The following EPHA5 variants were observed in gnomAD, a reference collection of about 807,000 sequenced individuals.
EPHA5 encodes the protein EPH receptor A5.
A neutral mutation model predicts 105.0 loss-of-function variants in EPHA5; 60 were observed. The observed-to-expected ratio is 0.57, with a 90% CI of 0.46 to 0.71. The LOEUF (loss-of-function observed/expected upper bound fraction) is 0.71. Ranked by LOEUF, EPHA5 falls within the 30% of genes least tolerant of loss-of-function variation. EPHA5 has a pLI of 0.00. For synonymous variants in EPHA5, 513 were observed against 449.1 expected (o/e 1.14, Z -1.80); for missense variants, 1,218 against 1,274.7 (o/e 0.96, Z 0.68).
chr4:65,503,220 C>T (rs1017407262), intron 3 of EPHA5, among the ~76,000 whole-genome samples: 3 of 151,740 alleles, frequency 2.0e-5, no homozygotes, highest in African/African-American at 7.3e-5. Flanking sequence ...CTCACCATCA[C>T]GTAATATATC....
intron 6 of EPHA5, among the ~76,000 whole-genome samples, chr4:65,414,883 C>T (rs984652577): frequency 1.2e-4 from 18 of 152,146 alleles, no homozygotes; most frequent in Non-Finnish European, 4.4e-5. Flanking sequence ...TATGCTTTAA[C>T]TCATTAGTGA....
chr4:65,525,129 A>G (rs1302088453), intron 3 of EPHA5, among the ~76,000 whole-genome samples: 2 of 151,790 alleles, frequency 1.3e-5, no homozygotes, highest in Non-Finnish European at 3.0e-5. Flanking sequence ...ATTAAAACTT[A>G]TAATTCTTCA....
chr4:65,540,097 C>A (rs933743780), intron 3 of EPHA5, among the ~76,000 whole-genome samples: 5 of 151,434 alleles, frequency 3.3e-5, no homozygotes, highest in Non-Finnish European at 7.4e-5. Flanking sequence ...TGAAATTAAT[C>A]ACACTGAAAC....
At position 65,522,745 on chromosome 4, in the gene EPHA5, C is replaced by T. The variant is rs192214761; in HGVS notation, c.911-27202G>A. Among the ~76,000 whole-genome samples the T allele has an allele frequency of 5.3e-5, 8 of 152,092 alleles. 1 individual carries two copies. The highest frequency in any genetic ancestry group is 2.6e-4 in the Admixed American group (4 of 15,242). On this transcript the variant is annotated intron_variant, in intron 3 of 16. Coordinates refer to ENST00000613740, the MANE Select transcript of EPHA5 (RefSeq NM_001281766.3). ...TCATATCACCCCATCGTCATCTACT[C>T]GGAAGGCTGGGCATTCATTTGTGAT...
At chr4:65,643,046 A>G in intron 2 of EPHA5, among the ~76,000 whole-genome samples, 1 of 152,058 alleles carries the variant, frequency 6.6e-6, no homozygotes, top group East Asian at 1.9e-4. Context: ...TTTTATCTTT[A>G]ATATAAACTA....
At chr4:65,414,202 G>A (rs2149017788) in intron 7 of EPHA5, 82 bp downstream of exon 7, 1 of 1,212,654 alleles carries the variant, frequency 8.2e-7, no homozygotes, top group Non-Finnish European at 1.2e-6. Context: ...CTGACAGAGT[G>A]CCCAGGGAGG....
At chr4:65,485,226 G>T (rs1362212538) in intron 5 of EPHA5, among the ~76,000 whole-genome samples, 2 of 151,798 alleles carry the variant, frequency 1.3e-5, no homozygotes, top group Non-Finnish European at 2.9e-5. Flanking sequence ...ATTGGCCAAA[G>T]AATTCTTTAT....
At chr4:65,625,000 G>GA (rs1746009463) in intron 2 of EPHA5, among the ~76,000 whole-genome samples, 1 of 152,090 alleles carries the variant, frequency 6.6e-6, no homozygotes, top group South Asian at 2.1e-4. Flanking sequence ...AACCACTTTA[G>GA]AAAAAATTGT....
At chr4:65,342,679 T>C (rs888803288) in intron 14 of EPHA5, among the ~76,000 whole-genome samples, 1 of 151,314 alleles carries the variant, frequency 6.6e-6, no homozygotes, top group Admixed American at 6.6e-5. Flanking sequence ...CATCAACATA[T>C]ACAATATACA....
intron 3 of EPHA5, among the ~76,000 whole-genome samples, chr4:65,600,118 T>C (rs1429497250): frequency 9.9e-5 from 15 of 152,166 alleles, no homozygotes; most frequent in Non-Finnish European, 1.5e-5. Flanking sequence ...ATATTTACAA[T>C]ATTTTAGACA....
chr4:65,431,283 G>A (rs1294175221), intron 5 of EPHA5, among the ~76,000 whole-genome samples: 1 of 151,914 alleles, frequency 6.6e-6, no homozygotes, highest in East Asian at 1.9e-4. Flanking sequence ...AACACTTTGA[G>A]GCAAATATTA....
intron 5 of EPHA5, among the ~76,000 whole-genome samples, chr4:65,465,341 G>T (rs576437203): frequency 6.6e-6 from 1 of 151,648 alleles, no homozygotes; most frequent in Non-Finnish European, 1.5e-5. Context: ...TAGGAGAATC[G>T]CTTGAACCCA....
At chr4:65,477,480 T>C (rs1397670885) in intron 5 of EPHA5, among the ~76,000 whole-genome samples, 1 of 152,060 alleles carries the variant, frequency 6.6e-6, no homozygotes, top group African/African-American at 2.4e-5. Flanking sequence ...TGGCGAGATC[T>C]AGGCTCAGTG....
At chr4:65,383,728 C>T (rs1308392424) in intron 8 of EPHA5, among the ~76,000 whole-genome samples, 1 of 151,878 alleles carries the variant, frequency 6.6e-6, no homozygotes, top group East Asian at 1.9e-4. Flanking sequence ...TATTATAAAT[C>T]AGTGACTCAG....
chr4:65,396,727 G>T (rs1721279332), intron 8 of EPHA5, among the ~76,000 whole-genome samples: 1 of 152,120 alleles, frequency 6.6e-6, no homozygotes, highest in Non-Finnish European at 1.5e-5. Flanking sequence ...GGCAAAGAGG[G>T]GCCTTGGTAA....
intron 3 of EPHA5, among the ~76,000 whole-genome samples, chr4:65,547,647 G>C (rs1737512084): frequency 6.6e-6 from 1 of 152,022 alleles, no homozygotes; most frequent in Admixed American, 6.6e-5. Flanking sequence ...AAACCAGGTT[G>C]AAACATTTAA....
intron 5 of EPHA5, among the ~76,000 whole-genome samples, chr4:65,468,602 A>C (rs1384476115): frequency 9.1e-5 from 1 of 11,020 alleles, no homozygotes; most frequent in African/African-American, 1.3e-4. Flanking sequence ...TAATATATAT[A>C]TTATATATAT....
At position 65,585,622 on chromosome 4, in the gene EPHA5, T is replaced by C. The variant is rs952542909; in HGVS notation, c.910+16019A>G. Among the ~76,000 whole-genome samples, 3 of 151,906 alleles carry C rather than the reference T, an allele frequency of 2.0e-5. No homozygotes were observed. The South Asian group carries it at 6.2e-4, about 32-fold the overall frequency. On this transcript the variant is annotated intron_variant, in intron 3 of 16. Coordinates refer to ENST00000613740, the MANE Select transcript of EPHA5 (RefSeq NM_001281766.3). The stretch of plus-strand genomic sequence containing the variant: ...CAAGAACAAAGCAAGAACACTTATT[T>C]GGGAAAAACAAAACAAAATAAAAGA...
In EPHA5 at chr4:65,414,315, A is replaced by T. The variant is rs2149018642; in HGVS notation, c.1656T>A (p.Ser552Arg). The T allele has an allele frequency of 4.3e-6, 7 of 1,613,938 alleles. No homozygotes were observed. Among genetic ancestry groups the T allele is most frequent in the Non-Finnish European group, 5.9e-6 (7 of 1,179,900 alleles). ...ARTAAGYGVF[S>R]RRFEFETTPV... is the part of the protein sequence containing the mutation. ...GGGTGGTTTCAAACTCAAATCTTCG[A>T]CTGAAGACACCATAGCCTGCTGCTG... The change falls in exon 7 of 17, where the codon AGT (serine) becomes AGA (arginine). Residue 552 changes from serine (S) to arginine (R), a missense_variant. Ser to Arg is a moderately radical substitution (Grantham distance 110). Coordinates refer to ENST00000613740, the MANE Select transcript of EPHA5 (RefSeq NM_001281766.3).
Sources: gnomAD v4.1 joint callset for allele counts (sites outside exome capture counted in the v4.1 genomes callset) on GRCh38, gnomAD v4.1.1 for gene constraint, MANE v1.5 for transcripts, NCBI Gene and HGNC (gene_info 2026-07-23, HGNC 2026-07-21) for gene names.